The following SND1 variants were observed in gnomAD, a reference collection of about 807,000 sequenced individuals.
SND1 encodes the protein staphylococcal nuclease and tudor domain containing 1.
A neutral mutation model predicts 121.7 loss-of-function variants in SND1; 38 were observed. That is an observed-to-expected ratio of 0.31 (90% CI 0.24 to 0.41). The LOEUF (loss-of-function observed/expected upper bound fraction) is 0.41, where lower values mean the gene tolerates loss of function less well. SND1 is among the 10% of genes least tolerant of loss of function. SND1 has a pLI of 1.00. For missense variants in SND1, 868 were observed against 1,184.6 expected, an observed-to-expected ratio of 0.73 and a Z score of 3.92; for synonymous variants, 401 against 447.4, an observed-to-expected ratio of 0.90 and a Z score of 1.31.
chr7:128,058,474 G>A (rs1793178252), intron 16 of SND1, among the ~76,000 whole-genome samples: 1 of 152,246 alleles, frequency 6.6e-6, no homozygotes, highest in Non-Finnish European at 1.5e-5. Flanking sequence ...TCTGGCTGCA[G>A]AGCTCTCACT....
intron 11 of SND1, among the ~76,000 whole-genome samples, chr7:127,834,546 G>A (rs541716882): frequency 3.3e-5 from 5 of 152,170 alleles, no homozygotes; most frequent in Non-Finnish European, 5.9e-5. Context: ...TTCTATGCAC[G>A]CCGTGCCTTT....
intron 11 of SND1, among the ~76,000 whole-genome samples, chr7:127,812,196 G>T (rs1056711949): frequency 6.6e-6 from 1 of 152,154 alleles, no homozygotes; most frequent in Admixed American, 6.5e-5. Context: ...ATATAGACAG[G>T]GTCGTGGTAT....
intron 11 of SND1, among the ~76,000 whole-genome samples, chr7:127,839,472 T>G (rs1798925662): frequency 6.6e-6 from 1 of 152,176 alleles, no homozygotes; most frequent in East Asian, 1.9e-4. Context: ...GCTTAGGTAG[T>G]TCACTTTTTG....
intron 16 of SND1, among the ~76,000 whole-genome samples, chr7:128,070,649 T>A (rs1478518723): frequency 1.3e-5 from 2 of 152,156 alleles, no homozygotes; most frequent in Non-Finnish European, 2.9e-5. Context: ...AAGAAGAAAT[T>A]TCTTGTCTAT....
intron 10 of SND1, among the ~76,000 whole-genome samples, chr7:127,801,384 A>G (rs1320559689): frequency 6.6e-6 from 1 of 152,142 alleles, no homozygotes; most frequent in Non-Finnish European, 1.5e-5. Flanking sequence ...GTACCTGTTT[A>G]TATCTTTTGC....
At chr7:127,951,410 C>T (rs573156459) in intron 15 of SND1, among the ~76,000 whole-genome samples, 3 of 152,106 alleles carry the variant, frequency 2.0e-5, no homozygotes, top group Non-Finnish European at 4.4e-5. Flanking sequence ...TGGTGGTTGC[C>T]AGGGTCTGGG....
chr7:127,940,972 C>A (rs998934473), intron 15 of SND1, among the ~76,000 whole-genome samples: 3 of 152,210 alleles, frequency 2.0e-5, no homozygotes, highest in African/African-American at 7.2e-5. Flanking sequence ...GTATGGGGGG[C>A]TCTGAGGAAG....
At chr7:127,870,668 CGT>C (rs1286665609) in intron 12 of SND1, among the ~76,000 whole-genome samples, 1 of 152,012 alleles carries the variant, frequency 6.6e-6, no homozygotes, top group African/African-American at 2.4e-5. Context: ...AGGTACTTAC[CGT>C]GAATGGAGCT....
At chr7:128,086,795 C>A in intron 20 of SND1, 143 bp from the exon 21 acceptor site, 1 of 718,198 alleles carries the variant, frequency 1.4e-6, no homozygotes, top group South Asian at 1.5e-5. Flanking sequence ...AGCCTTTGTA[C>A]ATTGCAAAGT....
intron 10 of SND1, among the ~76,000 whole-genome samples, chr7:127,724,801 A>G (rs1275474507): frequency 1.3e-5 from 2 of 152,108 alleles, no homozygotes; most frequent in South Asian, 2.1e-4. Flanking sequence ...GGAACTCTGG[A>G]TTTTCTTTTG....
chr7:127,801,789 T>G (rs577624237), intron 10 of SND1, among the ~76,000 whole-genome samples: 11 of 152,284 alleles, frequency 7.2e-5, no homozygotes, highest in African/African-American at 1.7e-4. Context: ...ACTTGACCCT[T>G]GAATAGTGTG....
Position 127,703,318 on chromosome 7 carries a change from C to G in SND1, c.835C>G (p.His279Asp), listed in dbSNP as rs1440291577. The G allele has an allele frequency of 6.2e-7, 1 of 1,613,962 alleles. No individual in the cohort carries two copies. The highest frequency in any genetic ancestry group is 8.5e-7 in the Non-Finnish European group (1 of 1,179,960). Residue 279 changes from histidine (H) to aspartate (D), a missense_variant, in exon 7 of 24, where the codon CAT becomes GAT. His to Asp is a moderately conservative substitution (Grantham distance 81). This residue lies in a region of SND1 where 743 missense variants were observed against 1,071.3 expected (regional missense o/e 0.69). Coordinates refer to ENST00000354725, the MANE Select transcript of SND1 (RefSeq NM_014390.4). ...HNQNILGTIL[H>D]PNGNITELLL... ...CCAGAACATTCTGGGTACCATCCTT[C>G]ATCCAGTGAGTGTGTCTGTGCAGAC...
intron 12 of SND1, among the ~76,000 whole-genome samples, chr7:127,872,046 T>C (rs1799599650): frequency 6.6e-6 from 1 of 152,126 alleles, no homozygotes; most frequent in Non-Finnish European, 1.5e-5. Flanking sequence ...GCAGGAGGAT[T>C]GCTTGAGCCC....
chr7:128,061,109 T>C (rs1358419017), intron 16 of SND1, among the ~76,000 whole-genome samples: 1 of 152,156 alleles, frequency 6.6e-6, no homozygotes, highest in Non-Finnish European at 1.5e-5. Flanking sequence ...GGGCAAATAG[T>C]AGGGCTGAGG....
chr7:128,048,879 T>G (rs533422197), intron 16 of SND1, among the ~76,000 whole-genome samples: 2 of 152,278 alleles, frequency 1.3e-5, no homozygotes, highest in South Asian at 4.1e-4. Flanking sequence ...GCACTTTCAG[T>G]GAGTAGAGAG....
At chr7:127,690,011 C>G (rs956704026) in intron 2 of SND1, among the ~76,000 whole-genome samples, 3 of 145,990 alleles carry the variant, frequency 2.1e-5, no homozygotes, top group Non-Finnish European at 3.0e-5. Flanking sequence ...CTTATCCATA[C>G]TTGACATTTG....
intron 14 of SND1, 116 bp downstream of exon 14, chr7:127,904,935 G>C: frequency 1.5e-6 from 1 of 681,476 alleles, no homozygotes; most frequent in Non-Finnish European, 2.7e-6. Context: ...TTCAGGCACT[G>C]ACTGTGACTT....
chr7:127,808,351 G>A (rs977272897), intron 11 of SND1, among the ~76,000 whole-genome samples: 1 of 151,980 alleles, frequency 6.6e-6, no homozygotes, highest in East Asian at 1.9e-4. Flanking sequence ...TTTTGGTCGA[G>A]ACGGAGTTTC....
intron 10 of SND1, among the ~76,000 whole-genome samples, chr7:127,756,588 A>G (rs1475115888): frequency 6.6e-6 from 1 of 152,260 alleles, no homozygotes; most frequent in East Asian, 1.9e-4. Flanking sequence ...ATCTTCCTCC[A>G]TATCTAGAAT....
Sources: gnomAD v4.1 joint callset for allele counts (sites outside exome capture counted in the v4.1 genomes callset) on GRCh38, gnomAD v4.1.1 for gene constraint, gnomAD v4.1.1 regional missense constraint, MANE v1.5 for transcripts, NCBI Gene and HGNC (gene_info 2026-07-23, HGNC 2026-07-21) for gene names.